NT5DC3: variants seen among roughly 807,000 people sequenced by gnomAD.
The protein encoded by NT5DC3 is 5'-nucleotidase domain containing 3.
A neutral mutation model predicts 67.8 loss-of-function variants in NT5DC3; 42 were observed. That is an observed-to-expected ratio of 0.62 (90% CI 0.48 to 0.80). NT5DC3 has a LOEUF of 0.80. Ranked by LOEUF, NT5DC3 falls within the 30% of genes least tolerant of loss-of-function variation. The pLI, the probability that NT5DC3 is intolerant of heterozygous loss-of-function variation, is 0.00. For synonymous variants in NT5DC3, 237 were observed against 255.6 expected (o/e 0.93, Z 0.69); for missense variants, 570 against 696.4 (o/e 0.82, Z 2.04).
At chr12:103,761,516 A>G in the NT5DC3 span, 4 of 992,576 alleles carry the variant, frequency 4.0e-6, no homozygotes, top group East Asian at 9.8e-5. Flanking sequence ...CTTCCTCCAG[A>G]GACTGGAGGA....
intron 13 of NT5DC3, 75 bp from the exon 14 acceptor site, chr12:103,778,156 A>C: frequency 7.0e-7 from 1 of 1,428,546 alleles, no homozygotes; most frequent in Non-Finnish European, 9.4e-7. Flanking sequence ...TGAAATCAAA[A>C]TCACTTCTTT....
chr12:103,763,828 A>C, the NT5DC3 span: 1 of 462,092 alleles, frequency 2.2e-6, no homozygotes, highest in Non-Finnish European at 3.9e-6. Flanking sequence ...CCTTGAACAA[A>C]CAGAGACAGG....
rs1176514698 is a variant in NT5DC3 at position 103,776,178 on chromosome 12, A to C, written c.*1651T>G. 1.3e-5 allele frequency: 2 copies of C among 152,202 alleles called. No individual in the cohort carries two copies. The highest frequency in any genetic ancestry group is 4.8e-5 in the African/African-American group (2 of 41,444). 9.4% of individuals were successfully genotyped at this position (152,202 alleles called of 1,614,324 possible). A position where few individuals can be genotyped will look rare whatever the true frequency, so the allele number is the denominator to read the frequency against. On this transcript the variant is annotated 3_prime_UTR_variant, in exon 14 of 14. Coordinates refer to ENST00000392876, the MANE Select transcript of NT5DC3 (RefSeq NM_001031701.3). The stretch of plus-strand genomic sequence containing the variant: ...GCAGTAAATATGCACTTTACATTGA[A>C]GGATACTACAAATGCAGGTGCAATT...
At chr12:103,804,916 C>T (rs1230466820) in intron 4 of NT5DC3, among the ~76,000 whole-genome samples, 11 of 151,980 alleles carry the variant, frequency 7.2e-5, no homozygotes, top group East Asian at 1.9e-4. Context: ...CCGGGCGTGG[C>T]GGCACATGCC....
intron 1 of NT5DC3, 23 bp downstream of exon 1, chr12:103,840,926 G>C (rs1050043413): frequency 5.3e-6 from 7 of 1,325,270 alleles, no homozygotes; most frequent in Non-Finnish European, 6.9e-6. Flanking sequence ...CAGGCGCCGG[G>C]GCGGGGTCGC....
chr12:103,776,857 T>A lies in NT5DC3; in HGVS notation c.*972A>T, dbSNP rs904266641. The A allele has an allele frequency of 5.3e-5, 8 of 152,182 alleles. No homozygotes were observed. Among genetic ancestry groups the A allele is most frequent in the African/African-American group, 2.4e-5 (1 of 41,444 alleles). 9.4% of individuals were successfully genotyped at this position (152,182 alleles called of 1,614,324 possible). On this transcript the variant is annotated 3_prime_UTR_variant, in exon 14 of 14. Transcript: ENST00000392876. ...GAAGCCAGGATCTTGTTTGTTTCCATCTAGACAAAGGACTGTTTCTGGTAA... is the reference window on the plus strand; with the variant it reads ...GAAGCCAGGATCTTGTTTGTTTCCAACTAGACAAAGGACTGTTTCTGGTAA...
At chr12:103,765,446 A>T in the NT5DC3 span, among the ~76,000 whole-genome samples, 3 of 152,344 alleles carry the variant, frequency 2.0e-5, no homozygotes, top group African/African-American at 7.2e-5. Context: ...GACTCCAGAC[A>T]CATTTACCAC....
chr12:103,798,721 A>G (rs1886430404), intron 4 of NT5DC3, 44 bp from the exon 5 acceptor site: 1 of 1,398,102 alleles, frequency 7.2e-7, no homozygotes, highest in Admixed American at 1.7e-5. Context: ...AACTAGAGAA[A>G]CCAATGATTT....
chr12:103,815,151 C>A, intron 1 of NT5DC3, 30 bp from the exon 2 acceptor site: 3 of 1,435,666 alleles, frequency 2.1e-6, no homozygotes, highest in Non-Finnish European at 2.9e-6. Flanking sequence ...ATACATTATA[C>A]TACATAATAA....
the NT5DC3 span, among the ~76,000 whole-genome samples, chr12:103,765,095 A>C: frequency 2.0e-5 from 3 of 151,254 alleles, no homozygotes; most frequent in East Asian, 1.9e-4. Flanking sequence ...TCAAAAAAAA[A>C]AAAAAAAAAA....
rs1260877130 is a variant in NT5DC3 at position 103,773,137 on chromosome 12, T to C, written c.*4692A>G. 1 of 152,228 alleles carries C rather than the reference T, an allele frequency of 6.6e-6. No individual in the cohort carries two copies. The highest frequency in any genetic ancestry group is 1.5e-5 in the Non-Finnish European group (1 of 68,060). The allele number at this position is 152,228 out of a possible 1,614,324, so 9.4% of individuals were successfully genotyped here. A position where few individuals can be genotyped will look rare whatever the true frequency, so the allele number is the denominator to read the frequency against. ...CCAGCTATAAGGTTATTCATCTGCA[T>C]GTTCTCAGCAAGGGAATCTTGCCAT... is the stretch of plus-strand genomic sequence containing the variant. On this transcript the variant is annotated 3_prime_UTR_variant, in exon 14 of 14. Coordinates refer to ENST00000392876, the MANE Select transcript of NT5DC3 (RefSeq NM_001031701.3).
the NT5DC3 span, chr12:103,762,374 G>T: frequency 6.2e-7 from 1 of 1,614,194 alleles, no homozygotes; most frequent in Non-Finnish European, 8.5e-7. Context: ...CGGATAAACC[G>T]GAGAACAATC....
chr12:103,822,216 A>C (rs988095527), intron 1 of NT5DC3: 9 of 152,066 alleles, frequency 5.9e-5, no homozygotes, highest in Non-Finnish European at 1.3e-4. Context: ...TAAATCACGA[A>C]GAAAACTATT....
intron 2 of NT5DC3, among the ~76,000 whole-genome samples, chr12:103,807,231 C>T (rs1050170840): frequency 6.6e-6 from 1 of 152,196 alleles, no homozygotes; most frequent in African/African-American, 2.4e-5. Flanking sequence ...CTACCTGTGT[C>T]CCTAGACTCC....
chr12:103,750,806 A>G, the NT5DC3 span: 1 of 1,471,472 alleles, frequency 6.8e-7, no homozygotes, highest in East Asian at 2.5e-5. Flanking sequence ...GAAAAACAAA[A>G]CAGGCCAAGC....
At chr12:103,840,006 C>A (rs1888311118) in intron 1 of NT5DC3, among the ~76,000 whole-genome samples, 1 of 152,122 alleles carries the variant, frequency 6.6e-6, no homozygotes, top group Non-Finnish European at 1.5e-5. Flanking sequence ...GAAGCAACAG[C>A]GACAATGGAT....
At chr12:103,792,878 G>A (rs1217565863) in intron 9 of NT5DC3, among the ~76,000 whole-genome samples, 6 of 152,168 alleles carry the variant, frequency 3.9e-5, no homozygotes, top group Admixed American at 3.9e-4. Flanking sequence ...AATTTACTAC[G>A]TGATAATAAG....
At chr12:103,789,103 G>A (rs1885924657) in intron 9 of NT5DC3, 184 bp from the exon 10 acceptor site, 2 of 551,712 alleles carry the variant, frequency 3.6e-6, no homozygotes, top group Non-Finnish European at 6.5e-6. Context: ...GTGAAGCCCA[G>A]TATCCAAAGG....
intron 1 of NT5DC3, among the ~76,000 whole-genome samples, chr12:103,833,063 T>C (rs1593442781): frequency 1.3e-5 from 2 of 152,202 alleles, no homozygotes; most frequent in South Asian, 4.1e-4. Flanking sequence ...ATTATCAACA[T>C]ATGTTCTTAT....
Sources: allele counts gnomAD v4.1 joint callset (sites outside exome capture counted in the v4.1 genomes callset), GRCh38; gene constraint gnomAD v4.1.1; transcripts MANE v1.5; gene names NCBI Gene and HGNC (gene_info 2026-07-23, HGNC 2026-07-21).